UBR1: variants seen among roughly 807,000 people sequenced by gnomAD.
UBR1 encodes ubiquitin protein ligase E3 component n-recognin 1, also known as E3 ubiquitin-protein ligase UBR1.
Under a neutral mutation model 242.1 loss-of-function variants are expected in UBR1, and 102 were observed. The observed-to-expected ratio is 0.42, with a 90% confidence interval of 0.36 to 0.50. The LOEUF is 0.50. Ranked by LOEUF, UBR1 falls within the 20% of genes least tolerant of loss-of-function variation. The probability of loss-of-function intolerance (pLI) is 0.01; values close to 1 mark genes in which losing one functional copy is unlikely to be tolerated. For missense variants in UBR1, 1,772 were observed against 2,101.8 expected (o/e 0.84, Z 3.07); for synonymous variants, 675 against 684.8 (o/e 0.99, Z 0.22).
intron 27 of UBR1, among the ~76,000 whole-genome samples, chr15:43,018,341 C>T (rs1467182971): frequency 6.6e-6 from 1 of 152,060 alleles, no homozygotes; most frequent in African/African-American, 2.4e-5. Flanking sequence ...ACAGAACTGC[C>T]TCATTCTTAT....
At chr15:43,044,333 ATAAAG>A (rs1227429081) in intron 14 of UBR1, among the ~76,000 whole-genome samples, 1 of 152,220 alleles carries the variant, frequency 6.6e-6, no homozygotes, top group Non-Finnish European at 1.5e-5. Flanking sequence ...GAAGATGACT[ATAAAG>A]TAAAGTGATA....
intron 1 of UBR1, 102 bp from the exon 2 acceptor site, chr15:43,086,342 C>T: frequency 1.5e-6 from 2 of 1,337,032 alleles, no homozygotes; most frequent in Non-Finnish European, 2.0e-6. Flanking sequence ...AAGTAATTTA[C>T]AGTATATTTC....
chr15:43,037,501 GA>G (rs1567133288), intron 17 of UBR1, among the ~76,000 whole-genome samples: 1 of 152,120 alleles, frequency 6.6e-6, no homozygotes, highest in Non-Finnish European at 1.5e-5. Flanking sequence ...TCTCAGAAAA[GA>G]ACTATGTTAA....
At position 43,005,843 on chromosome 15, in the gene UBR1, T is replaced by G. The variant is rs1291419483; in HGVS notation, c.3415+1236A>C. On this transcript the variant is annotated intron_variant, in intron 30 of 46. Coordinates refer to ENST00000290650, the MANE Select transcript of UBR1 (RefSeq NM_174916.3). ...TGTGTCCACTCAGGGTTAAATGGAT[T>G]AAGGGCGGGGCAAGATGTGCTTTGT... is the stretch of plus-strand genomic sequence containing the variant. Among the ~76,000 whole-genome samples the G allele has an allele frequency of 2.7e-5, 4 of 149,816 alleles. No individual in the cohort carries two copies. The East Asian group carries it at 5.8e-4, about 22-fold the overall frequency.
chr15:43,076,313 G>C (rs564881877), intron 3 of UBR1, among the ~76,000 whole-genome samples: 1 of 152,184 alleles, frequency 6.6e-6, no homozygotes, highest in Non-Finnish European at 1.5e-5. Flanking sequence ...GTGCAGTGGC[G>C]TGATCTCAGC....
chr15:43,017,616 C>T (rs2033046372), intron 27 of UBR1, among the ~76,000 whole-genome samples: 1 of 152,008 alleles, frequency 6.6e-6, no homozygotes, highest in Admixed American at 6.6e-5. Flanking sequence ...TAGAGATCAG[C>T]CTGGCCAACA....
chr15:43,028,783 AT>A (rs1596108700), intron 21 of UBR1, among the ~76,000 whole-genome samples: 2 of 147,526 alleles, frequency 1.4e-5, no homozygotes, highest in East Asian at 2.0e-4. Flanking sequence ...ACAAAAAAAT[AT>A]ATATATATAT....
chr15:43,032,741 G>T, intron 19 of UBR1, 110 bp from the exon 20 acceptor site: 1 of 698,828 alleles, frequency 1.4e-6, no homozygotes, highest in Non-Finnish European at 2.4e-6. Flanking sequence ...TTTTCATCCA[G>T]TCCAGTATTT....
intron 32 of UBR1, among the ~76,000 whole-genome samples, chr15:43,000,016 C>A (rs2032699316): frequency 6.6e-6 from 1 of 151,884 alleles, no homozygotes; most frequent in Non-Finnish European, 1.5e-5. Context: ...TGGTTATAAC[C>A]AATTTTCTTT....
At chr15:43,051,854 T>C (rs572299732) in intron 12 of UBR1, among the ~76,000 whole-genome samples, 96 of 152,212 alleles carry the variant, frequency 6.3e-4, no homozygotes, top group African/African-American at 2.2e-3. Flanking sequence ...GGTGAGACAG[T>C]AAGGGAGTGA....
At chr15:42,955,767 G>A (rs2031908648) in intron 44 of UBR1, among the ~76,000 whole-genome samples, 1 of 152,144 alleles carries the variant, frequency 6.6e-6, no homozygotes, top group Admixed American at 6.5e-5. Flanking sequence ...CATGATTCAT[G>A]CTACTCAAAT....
chr15:43,065,894 C>G (rs2033746867), intron 6 of UBR1, among the ~76,000 whole-genome samples: 2 of 152,172 alleles, frequency 1.3e-5, no homozygotes, highest in South Asian at 4.1e-4. Context: ...GGACAAATTG[C>G]AAAAATGTTC....
intron 6 of UBR1, among the ~76,000 whole-genome samples, chr15:43,064,848 G>C (rs546970455): frequency 1.3e-3 from 203 of 152,200 alleles, no homozygotes; most frequent in African/African-American, 4.5e-3. Context: ...GGAATTACAG[G>C]CATGAGCCAC....
At chr15:43,058,563 T>C (rs1000459698) in intron 9 of UBR1, 134 bp from the exon 10 acceptor site, 1 of 616,522 alleles carries the variant, frequency 1.6e-6, no homozygotes, top group Non-Finnish European at 2.9e-6. Context: ...TAGTATTTAT[T>C]GTATTAATAT....
At chr15:43,036,977 G>A (rs1004829935) in intron 17 of UBR1, among the ~76,000 whole-genome samples, 1 of 150,488 alleles carries the variant, frequency 6.6e-6, no homozygotes, top group Non-Finnish European at 1.5e-5. Context: ...AAGACATGTA[G>A]GTTTGTTACA....
chr15:43,061,680 C>T (rs748933581), intron 6 of UBR1, among the ~76,000 whole-genome samples: 8 of 152,088 alleles, frequency 5.3e-5, no homozygotes, highest in Admixed American at 3.3e-4. Flanking sequence ...AGATTGGAGA[C>T]TATTATTCTA....
chr15:43,040,026 A>G (rs1331074805), intron 15 of UBR1, among the ~76,000 whole-genome samples: 3 of 152,170 alleles, frequency 2.0e-5, no homozygotes, highest in Admixed American at 1.3e-4. Flanking sequence ...ATGCTGCCCA[A>G]GGTAATTTAT....
chr15:43,099,270 G>A (rs1267075369), intron 1 of UBR1, among the ~76,000 whole-genome samples: 1 of 151,946 alleles, frequency 6.6e-6, no homozygotes, highest in African/African-American at 2.4e-5. Flanking sequence ...CCAGGAGGCA[G>A]AGGTTTCAGA....
chr15:43,007,774 C>T (rs11070385), intron 29 of UBR1, among the ~76,000 whole-genome samples: 81,850 of 152,098 alleles, frequency 0.54, 26,776 homozygotes, highest in Non-Finnish European at 0.7. Context: ...GCTCTATTCA[C>T]TTATAGTATC....
Sources: gnomAD v4.1 joint callset for allele counts (sites outside exome capture counted in the v4.1 genomes callset) on GRCh38, gnomAD v4.1.1 for gene constraint, MANE v1.5 for transcripts, NCBI Gene and HGNC (gene_info 2026-07-23, HGNC 2026-07-21) for gene names.